The following PLB1 variants were observed in gnomAD, a reference collection of about 807,000 sequenced individuals.
PLB1 encodes the protein phospholipase B1.
Under a neutral mutation model 227.4 loss-of-function variants are expected in PLB1, and 242 were observed. The ratio of observed to expected loss-of-function variants is 1.06; its 90% CI spans 0.96 to 1.18. The LOEUF (loss-of-function observed/expected upper bound fraction) is 1.18, where lower values mean the gene tolerates loss of function less well. Ranked by LOEUF, PLB1 falls within the 50% of genes most tolerant of loss-of-function variation. PLB1 has a pLI of 0.00. For synonymous variants in PLB1, 757 were observed against 682.2 expected (o/e 1.11, Z -1.71); for missense variants, 1,858 against 1,816.3 (o/e 1.02, Z -0.42).
At chr2:28,640,142 T>C (rs1689805367) in intron 56 of PLB1, among the ~76,000 whole-genome samples, 1 of 152,168 alleles carries the variant, frequency 6.6e-6, no homozygotes, top group Non-Finnish European at 1.5e-5. Context: ...TCCCTGGCAA[T>C]ACCCTGTGGT....
chr2:28,575,683 G>C (rs1173687799), intron 21 of PLB1, among the ~76,000 whole-genome samples: 1 of 152,128 alleles, frequency 6.6e-6, no homozygotes, highest in Non-Finnish European at 1.5e-5. Flanking sequence ...CGATTCTCCT[G>C]CCTCACCCTC....
chr2:28,566,709 AGACG>A, intron 19 of PLB1, 83 bp from the exon 20 acceptor site: 1 of 1,455,120 alleles, frequency 6.9e-7, no homozygotes, highest in African/African-American at 1.4e-5. Flanking sequence ...GTTTCTCGGG[AGACG>A]GGCGTTTCTG....
intron 14 of PLB1, among the ~76,000 whole-genome samples, chr2:28,546,837 T>G (rs1673336528): frequency 6.6e-6 from 1 of 152,178 alleles, no homozygotes; most frequent in South Asian, 2.1e-4. Context: ...TTATCCACTT[T>G]GTCAGAGTCA....
intron 1 of PLB1, among the ~76,000 whole-genome samples, chr2:28,509,784 A>T (rs1020822730): frequency 9.9e-5 from 15 of 152,104 alleles, no homozygotes; most frequent in African/African-American, 3.6e-4. Context: ...TTCCCTTGGG[A>T]TTCCATGATT....
chr2:28,588,848 G>A (rs945166624), intron 26 of PLB1, among the ~76,000 whole-genome samples: 1 of 152,140 alleles, frequency 6.6e-6, no homozygotes, highest in African/African-American at 2.4e-5. Flanking sequence ...CACCCCTCAC[G>A]TCTTTAATCA....
intron 34 of PLB1, 95 bp downstream of exon 34, chr2:28,598,143 A>C: frequency 2.9e-6 from 3 of 1,045,198 alleles, no homozygotes; most frequent in Non-Finnish European, 4.3e-6. Flanking sequence ...AGCAAATGAC[A>C]TCTGCCTTAT....
At position 28,591,521 on chromosome 2, in the gene PLB1, G is replaced by A. The variant is rs145313291; in HGVS notation, c.2128-179G>A. ...GGTCTGAACTCGATGAGTGGACCTC[G>A]ATCTGTGGCCGCTACGCAAAATCAC... On this transcript the variant is annotated intron_variant, in intron 30 of 57. Coordinates refer to ENST00000327757, the MANE Select transcript of PLB1 (RefSeq NM_153021.5). 3.9e-5 allele frequency among the ~76,000 whole-genome samples: 6 copies of A among 152,326 alleles called. No individual in the cohort carries two copies. In the East Asian group the frequency reaches 1.2e-3, roughly 29 times the overall value.
intron 13 of PLB1, among the ~76,000 whole-genome samples, chr2:28,542,467 A>G (rs1229225802): frequency 6.6e-6 from 1 of 151,534 alleles, no homozygotes; most frequent in Non-Finnish European, 1.5e-5. Context: ...ATTTAGTAAC[A>G]TGTTCTCTCT....
chr2:28,571,633 T>C (rs1285991490), intron 20 of PLB1, among the ~76,000 whole-genome samples: 1 of 152,170 alleles, frequency 6.6e-6, no homozygotes, highest in Non-Finnish European at 1.5e-5. Flanking sequence ...AGTCAGAAAT[T>C]AAACTCTCAT....
At chr2:28,609,976 T>C (rs1685213569) in intron 43 of PLB1, among the ~76,000 whole-genome samples, 1 of 152,222 alleles carries the variant, frequency 6.6e-6, no homozygotes, top group African/African-American at 2.4e-5. Context: ...TCTTAGGTTC[T>C]CAGTGGGGAG....
chr2:28,534,188 G>C (rs1193041780), intron 9 of PLB1, among the ~76,000 whole-genome samples: 2 of 152,052 alleles, frequency 1.3e-5, no homozygotes, highest in African/African-American at 4.8e-5. Flanking sequence ...TGAGTATTTT[G>C]CTGTGTAAAT....
intron 1 of PLB1, among the ~76,000 whole-genome samples, chr2:28,504,193 T>G (rs908804976): frequency 6.6e-6 from 1 of 152,208 alleles, no homozygotes; most frequent in Non-Finnish European, 1.5e-5. Context: ...ACCATGTCTC[T>G]TCACCTCTCT....
chr2:28,496,070 T>G lies in PLB1; in HGVS notation c.-45T>G. 6 of 1,588,404 alleles carry G rather than the reference T, an allele frequency of 3.8e-6. No homozygotes were observed. Among genetic ancestry groups the G allele is most frequent in the Non-Finnish European group, 5.2e-6 (6 of 1,157,022 alleles). Reference sequence around the variant, plus strand: ...GAGGTGTGATAGCCCATCCATCTGCTGGAGCAGCTCTTCCAGAGGCCCGAG... The same window carrying G: ...GAGGTGTGATAGCCCATCCATCTGCGGGAGCAGCTCTTCCAGAGGCCCGAG... On this transcript the variant is annotated 5_prime_UTR_variant, in exon 1 of 58. Transcript: ENST00000327757.
At chr2:28,641,656 T>G (rs1293601445) in intron 57 of PLB1, among the ~76,000 whole-genome samples, 5 of 152,062 alleles carry the variant, frequency 3.3e-5, no homozygotes, top group Non-Finnish European at 7.4e-5. Flanking sequence ...TATACTAGGA[T>G]CTGGGGATCG....
At chr2:28,598,277 G>A (rs753591643) in intron 34 of PLB1, among the ~76,000 whole-genome samples, 12 of 152,186 alleles carry the variant, frequency 7.9e-5, no homozygotes, top group Non-Finnish European at 1.5e-4. Context: ...CTGGTGCTGG[G>A]TTCAATCTCC....
chr2:28,596,059 A>G (rs1682857180), intron 33 of PLB1: 1 of 152,234 alleles, frequency 6.6e-6, no homozygotes, highest in Non-Finnish European at 1.5e-5. Context: ...TTACTTACCA[A>G]AAAAGTTGCC....
intron 17 of PLB1, among the ~76,000 whole-genome samples, chr2:28,562,546 A>AAAAAAAAAAAAAAAAAAAAAAAAAAAT (rs1676227101): frequency 6.7e-6 from 1 of 149,890 alleles, no homozygotes; most frequent in African/African-American, 2.5e-5. Context: ...GTCTCAAAAA[A>AAAAAAAAAAAAAAAAAAAAAAAAAAAT]AAAAAAAAAA....
intron 57 of PLB1, among the ~76,000 whole-genome samples, chr2:28,642,589 C>T (rs529969940): frequency 6.6e-6 from 1 of 152,260 alleles, no homozygotes; most frequent in South Asian, 2.1e-4. Flanking sequence ...CCTATCAGTT[C>T]CCAATCTTTC....
rs540570093 is a variant in PLB1 at position 28,536,184 on chromosome 2, G to A, written c.556-2135G>A. On this transcript the variant is annotated intron_variant, in intron 9 of 57. Coordinates refer to ENST00000327757, the MANE Select transcript of PLB1 (RefSeq NM_153021.5). ...GCTCATTTAATGGGAAATAAACAAG[G>A]GCCTGTGTCCACAGTTGTTCTTTAG... 2.6e-5 allele frequency among the ~76,000 whole-genome samples: 4 copies of A among 152,260 alleles called. No homozygotes were observed. The South Asian group carries it at 6.2e-4, about 24-fold the overall frequency.
Sources: allele counts gnomAD v4.1 joint callset (sites outside exome capture counted in the v4.1 genomes callset), GRCh38; gene constraint gnomAD v4.1.1; transcripts MANE v1.5; gene names NCBI Gene and HGNC (gene_info 2026-07-23, HGNC 2026-07-21).